MCU: variants seen among roughly 807,000 people sequenced by gnomAD.
The protein encoded by MCU is calcium uniporter protein, mitochondrial.
A neutral mutation model predicts 45.2 loss-of-function variants in MCU; 12 were observed. That is an observed-to-expected ratio of 0.27 (90% confidence interval 0.17 to 0.43). The LOEUF (loss-of-function observed/expected upper bound fraction) is 0.43. MCU is among the 20% of genes least tolerant of loss of function. MCU has a pLI of 1.00. For missense variants in MCU, 324 were observed against 436.7 expected, an observed-to-expected ratio of 0.74 and a Z score of 2.30; for synonymous variants, 160 against 165.1, an observed-to-expected ratio of 0.97 and a Z score of 0.24.
intron 1 of MCU, among the ~76,000 whole-genome samples, chr10:72,791,762 A>AT (rs1252240687): frequency 2.0e-5 from 3 of 152,048 alleles, no homozygotes; most frequent in Non-Finnish European, 4.4e-5. Flanking sequence ...ATGTAAGAAT[A>AT]TTAATTACAT....
At chr10:72,817,230 C>CT (rs1323979923) in intron 1 of MCU, among the ~76,000 whole-genome samples, 3 of 152,128 alleles carry the variant, frequency 2.0e-5, no homozygotes, top group African/African-American at 7.2e-5. Flanking sequence ...AGAGTAAACT[C>CT]TCCTCAGATA....
chr10:72,718,846 C>T (rs1842985405), intron 1 of MCU, among the ~76,000 whole-genome samples: 1 of 152,116 alleles, frequency 6.6e-6, no homozygotes, highest in African/African-American at 2.4e-5. Flanking sequence ...GCATGGTTCT[C>T]ACAAATAATA....
intron 1 of MCU, among the ~76,000 whole-genome samples, chr10:72,710,543 GTTTTTTTTT>G (rs555887994): frequency 5.9e-5 from 5 of 84,300 alleles, no homozygotes; most frequent in African/African-American, 2.0e-4. Flanking sequence ...ATCACCTAAG[GTTTTTTTTT>G]TTTTTTTTTT....
rs191889358 is a variant in MCU at position 72,828,590 on chromosome 10, A to G, written c.151-5769A>G. 2.5e-3 allele frequency among the ~76,000 whole-genome samples: 374 copies of G among 152,248 alleles called. 1 individual carries two copies. The highest frequency in any genetic ancestry group is 8.5e-3 in the African/African-American group (354 of 41,540). On this transcript the variant is annotated intron_variant, in intron 1 of 7. Transcript: ENST00000373053. ...GTTATTTAGATTTGACAATCCTCCC[A>G]AGTTTCTGGAAGGAGTATACTGTTG... is the stretch of plus-strand genomic sequence containing the variant.
chr10:72,799,100 TA>T (rs1345931526), intron 1 of MCU, among the ~76,000 whole-genome samples: 8 of 151,914 alleles, frequency 5.3e-5, no homozygotes, highest in Non-Finnish European at 1.0e-4. Context: ...CTAATTTTTG[TA>T]TTTTTAGTAG....
At chr10:72,834,699 G>C (rs1283882396) in intron 2 of MCU, among the ~76,000 whole-genome samples, 2 of 152,162 alleles carry the variant, frequency 1.3e-5, no homozygotes, top group Non-Finnish European at 2.9e-5. Flanking sequence ...GCCTTGGTCT[G>C]TCGCCCAGGT....
intron 1 of MCU, among the ~76,000 whole-genome samples, chr10:72,793,166 C>T (rs1317259630): frequency 2.6e-5 from 4 of 152,076 alleles, no homozygotes; most frequent in South Asian, 2.1e-4. Flanking sequence ...TGTGAGCCAC[C>T]GTGCCTGGCC....
chr10:72,787,558 C>T (rs976319711), intron 1 of MCU, among the ~76,000 whole-genome samples: 5 of 151,542 alleles, frequency 3.3e-5, no homozygotes, highest in East Asian at 2.0e-4. Flanking sequence ...CATGAGCCAC[C>T]GTGGCCAGCC....
chr10:72,732,117 A>G (rs991933050), intron 1 of MCU, among the ~76,000 whole-genome samples: 1 of 152,056 alleles, frequency 6.6e-6, no homozygotes, highest in Non-Finnish European at 1.5e-5. Flanking sequence ...GCACTTGTTC[A>G]TGTCTTTTTT....
At chr10:72,755,698 C>G (rs541041566) in intron 1 of MCU, among the ~76,000 whole-genome samples, 1 of 152,152 alleles carries the variant, frequency 6.6e-6, no homozygotes, top group Non-Finnish European at 1.5e-5. Flanking sequence ...GCAATTTGAA[C>G]GGCGGAAGCA....
intron 1 of MCU, among the ~76,000 whole-genome samples, chr10:72,716,325 A>G (rs1842954748): frequency 6.6e-6 from 1 of 152,248 alleles, no homozygotes; most frequent in South Asian, 2.1e-4. Flanking sequence ...CTAAAGAGAA[A>G]ACCAGGAAAG....
chr10:72,799,203 C>T (rs1218857933), intron 1 of MCU, among the ~76,000 whole-genome samples: 3 of 152,180 alleles, frequency 2.0e-5, no homozygotes, highest in Non-Finnish European at 1.5e-5. Context: ...GGATTACAGG[C>T]GTGAGCCATC....
intron 1 of MCU, among the ~76,000 whole-genome samples, chr10:72,712,779 C>T (rs1244074265): frequency 1.3e-5 from 2 of 152,144 alleles, no homozygotes; most frequent in African/African-American, 4.8e-5. Context: ...TTTAAAAAGA[C>T]AATCTCTGAT....
chr10:72,714,794 C>A (rs547703252), intron 1 of MCU, among the ~76,000 whole-genome samples: 21 of 152,150 alleles, frequency 1.4e-4, no homozygotes, highest in Admixed American at 1.1e-3. Flanking sequence ...TCTGCCCCCC[C>A]CTTGGCCTCC....
intron 6 of MCU, among the ~76,000 whole-genome samples, chr10:72,875,713 T>C (rs1296470685): frequency 6.6e-6 from 1 of 152,236 alleles, no homozygotes; most frequent in African/African-American, 2.4e-5. Flanking sequence ...CTTTTTAAGA[T>C]GGCAAGCTCC....
intron 2 of MCU, among the ~76,000 whole-genome samples, chr10:72,843,904 G>A (rs1057035024): frequency 2.0e-5 from 3 of 152,070 alleles, no homozygotes; most frequent in African/African-American, 4.8e-5. Flanking sequence ...ACATATTTAA[G>A]TATATTTTTC....
chr10:72,692,859 C>A, intron 1 of MCU: 1 of 1,432,688 alleles, frequency 7.0e-7, no homozygotes, highest in South Asian at 1.5e-5. Context: ...GAAAATCAAA[C>A]TTTATTCCCC....
intron 3 of MCU, among the ~76,000 whole-genome samples, chr10:72,859,728 A>G (rs1845347978): frequency 6.6e-6 from 1 of 152,260 alleles, no homozygotes; most frequent in South Asian, 2.1e-4. Flanking sequence ...TTGCCAAAAT[A>G]AAGAAGTATA....
At chr10:72,751,422 T>C (rs1843497032) in intron 1 of MCU, among the ~76,000 whole-genome samples, 1 of 142,718 alleles carries the variant, frequency 7.0e-6, no homozygotes, top group Non-Finnish European at 1.5e-5. Flanking sequence ...TGGCATGATC[T>C]TGACTCACTG....
Sources: allele counts gnomAD v4.1 joint callset (sites outside exome capture counted in the v4.1 genomes callset), GRCh38; gene constraint gnomAD v4.1.1; transcripts MANE v1.5; gene names NCBI Gene and HGNC (gene_info 2026-07-23, HGNC 2026-07-21).